TTN: variants seen among roughly 807,000 people sequenced by gnomAD.
TTN encodes titin.
TTN carries 1,525 observed loss-of-function variants against 3,223.0 expected under a neutral mutation model. The observed-to-expected ratio is 0.47, with a 90% CI of 0.45 to 0.49. The LOEUF is 0.49. Ranked by LOEUF, TTN falls within the 20% of genes least tolerant of loss-of-function variation. The pLI is 0.00. For synonymous variants in TTN, 14,094 were observed against 15,161.0 expected (o/e 0.93, Z 5.17); for missense variants, 40,786 against 43,424.0 (o/e 0.94, Z 5.40).
intron 2 of TTN, among the ~76,000 whole-genome samples, chr2:178,803,540 C>T (rs2094167541): frequency 6.7e-6 from 1 of 150,188 alleles, no homozygotes; most frequent in Non-Finnish European, 1.5e-5. Context: ...GATATTTGTA[C>T]AATGTAAAAG....
rs1185670227 is a variant in TTN at position 178,799,858 on chromosome 2, C to G, written c.636G>C (p.Gln212His). ...TTCGGGTTTGTCTTGATTCTGAGAT[C>G]TGAGCAGTCGAAACAATTGTCTTTG... is the stretch of plus-strand genomic sequence containing the variant. ...KKTKTIVSTA[Q>H]ISESRQTRIE... Residue 212 changes from glutamine (Q) to histidine (H), a missense_variant, in exon 5 of 363, where the codon CAG (glutamine) becomes CAC (histidine). Coordinates refer to ENST00000589042, the MANE Select transcript of TTN (RefSeq NM_001267550.2). The G allele has an allele frequency of 6.2e-7, 1 of 1,614,140 alleles. No individual in the cohort carries two copies. Among genetic ancestry groups the G allele is most frequent in the Non-Finnish European group, 8.5e-7 (1 of 1,180,018 alleles).
chr2:178,646,105 TA>T lies in TTN; in HGVS notation c.40298-76del, dbSNP rs1480601427. ...GATATGTAGTATATTTAATAGAAATTATATATATATATATATATATATATAT... is the reference window on the plus strand; with the variant it reads ...GATATGTAGTATATTTAATAGAAATTTATATATATATATATATATATATAT... On this transcript the variant is annotated intron_variant, in intron 216 of 362. Coordinates refer to ENST00000589042, the MANE Select transcript of TTN (RefSeq NM_001267550.2). 1,508 of 17,876 alleles carry T rather than the reference TA, an allele frequency of 0.084. 91 individuals carry two copies. The highest frequency in any genetic ancestry group is 0.34 in the African/African-American group (1,247 of 3,674). The allele number at this position is 17,876 out of a possible 1,614,324, so 1.1% of individuals were successfully genotyped here.
In TTN at chr2:178,636,053, T is replaced by A. The variant is rs763460143; in HGVS notation, c.41518A>T (p.Asn13840Tyr). 6.2e-7 allele frequency: 1 copy of A among 1,613,310 alleles called. No individual in the cohort carries two copies. Among genetic ancestry groups the A allele is most frequent in the South Asian group, 1.1e-5 (1 of 91,050 alleles). ...CCAGCATCTGTGTCATCTGCATCGT[T>A]GATGGTCAGAGCCCGCATCAAGCCA... is the stretch of plus-strand genomic sequence containing the variant. ...VIGLMRALTI[N>Y]DADDTDAGTY... is the part of the protein sequence containing the mutation. Residue 13840 changes from asparagine (N) to tyrosine (Y), a missense_variant, in exon 226 of 363, where the codon AAC becomes TAC. Coordinates refer to ENST00000589042, the MANE Select transcript of TTN (RefSeq NM_001267550.2). This position sits in a 1 kb window ranked among gnomAD's most constrained non-coding sequence, Gnocchi z 4.3.
At chr2:178,651,419 C>G in intron 207 of TTN, 34 bp downstream of exon 207, 1 of 1,599,666 alleles carries the variant, frequency 6.3e-7, no homozygotes, top group Non-Finnish European at 8.5e-7. Flanking sequence ...GGGGCTCCAT[C>G]CGCCCCCATC....
At chr2:178,721,268 G>T in intron 78 of TTN, 66 bp from the exon 79 acceptor site, 6 of 1,287,770 alleles carry the variant, frequency 4.7e-6, no homozygotes, top group Non-Finnish European at 6.0e-6. Context: ...GCTTGTTTTT[G>T]TAGCTGAAGA....
rs144576333 is a variant in TTN, at chr2:178,593,343, G to T, written c.58865C>A (p.Ser19622Tyr). ...TTTGGTAACTCTAGCCCATCGTTTAGACATAGTTTCTCTCTTTTCCAGGAT... is the reference window on the plus strand; with the variant it reads ...TTTGGTAACTCTAGCCCATCGTTTATACATAGTTTCTCTCTTTTCCAGGAT... Reference protein sequence around the residue: ...NYILEKRETMSKRWARVTKDP... With the variant: ...NYILEKRETMYKRWARVTKDP... The change falls in exon 299 of 363, where the codon TCT becomes TAT. Residue 19622 changes from serine to tyrosine, a missense_variant. Coordinates refer to ENST00000589042, the MANE Select transcript of TTN (RefSeq NM_001267550.2). 6.2e-7 allele frequency: 1 copy of T among 1,613,320 alleles called. No homozygotes were observed. The highest frequency in any genetic ancestry group is 1.3e-5 in the African/African-American group (1 of 75,000).
rs794729583 is a variant in TTN, at chr2:178,769,871, C to T, written c.8710G>A (p.Glu2904Lys). 5.6e-6 allele frequency: 9 copies of T among 1,614,094 alleles called. No homozygotes were observed. Among genetic ancestry groups the T allele is most frequent in the East Asian group, 2.2e-5 (1 of 44,870 alleles). ...GAAGGGACATTGAAGTGGGACACCTCACACTCAAAAGAGGCAGTTTTGGTC... is the reference window on the plus strand; with the variant it reads ...GAAGGGACATTGAAGTGGGACACCTTACACTCAAAAGAGGCAGTTTTGGTC... ...PETKTASFECEVSHFNVPSMW... is the reference protein window; with the variant it reads ...PETKTASFECKVSHFNVPSMW... Residue 2904 changes from glutamate (E) to lysine (K), a missense_variant, in exon 37 of 363, where the codon GAG (glutamate) becomes AAG (lysine). Transcript: ENST00000589042.
chr2:178,627,156 T>TTTATCAAATTTAAAATTTAACTTTAAAA (rs2059171916), intron 240 of TTN, among the ~76,000 whole-genome samples: 1 of 151,970 alleles, frequency 6.6e-6, no homozygotes, highest in African/African-American at 2.4e-5. Flanking sequence ...AAACTTTAAT[T>TTTATCAAATTTAAAATTTAACTTTAAAA]TTATCAAATT....
rs1060500461 is a variant in TTN at position 178,715,093 on chromosome 2, G to C, written c.26093C>G (p.Thr8698Ser). Residue 8698 changes from threonine (T) to serine (S), a missense_variant, in exon 90 of 363, where the codon ACC (threonine) becomes AGC (serine). Thr to Ser is a moderately conservative substitution (Grantham distance 58). Coordinates refer to ENST00000589042, the MANE Select transcript of TTN (RefSeq NM_001267550.2). ...ATCGACATTCAGGATGTGGATACTG[G>C]TTAGGAAGTTCTCAGACATTATCTT... ...KYKIMSENFL[T>S]SIHILNVDAA... 14 of 1,613,704 alleles carry C rather than the reference G, an allele frequency of 8.7e-6. No individual in the cohort carries two copies. The highest frequency in any genetic ancestry group is 1.2e-5 in the Non-Finnish European group (14 of 1,179,690).
At position 178,740,264 on chromosome 2, in the gene TTN, C is replaced by G; in HGVS notation, c.12969G>C (p.Glu4323Asp). ...NAGQDSAVRI[E>D]EGKSLRFPLA... ...GTGGAAATCTTAAGGACTTGCCTTC[C>G]TCAATTCTGACCGCAGAATCTTGCC... Residue 4323 changes from glutamate to aspartate, a missense_variant, in exon 48 of 363, where the codon GAG (glutamate) becomes GAC (aspartate). Coordinates refer to ENST00000589042, the MANE Select transcript of TTN (RefSeq NM_001267550.2). 6.2e-7 allele frequency: 1 copy of G among 1,613,678 alleles called. No homozygotes were observed. Among genetic ancestry groups the G allele is most frequent in the Non-Finnish European group, 8.5e-7 (1 of 1,179,802 alleles).
chr2:178,780,232 T>G (rs1392446227), intron 21 of TTN, 27 bp from the exon 22 acceptor site: 2 of 1,569,626 alleles, frequency 1.3e-6, no homozygotes, highest in African/African-American at 2.7e-5. Context: ...TCAGTTAATT[T>G]TTAATGCTCT....
At chr2:178,770,800 C>T (rs756506723) in intron 34 of TTN, 125 bp from the exon 35 acceptor site, 62 of 1,223,202 alleles carry the variant, frequency 5.1e-5, no homozygotes, top group Non-Finnish European at 9.6e-6. Context: ...TACAGTTATG[C>T]AGCACCTCTG....
chr2:178,592,385 C>T lies in TTN; in HGVS notation c.59620G>A (p.Val19874Ile). 1 of 1,611,986 alleles carries T rather than the reference C, an allele frequency of 6.2e-7. No individual in the cohort carries two copies. ...TAAGTAGTAAAATTCTTACCTAATA[C>T]AAGTACTTTTACTGAGACAGTTTTT... Reference protein sequence around the residue: ...GSKTVSVKVLVLDKPGPPRDL... With the variant: ...GSKTVSVKVLILDKPGPPRDL... The change falls in exon 301 of 363, where the codon GTA (valine) becomes ATA (isoleucine). Residue 19874 changes from valine to isoleucine, a missense_variant. Val to Ile is a conservative substitution (Grantham distance 29). Transcript: ENST00000589042.
intron 206 of TTN, 57 bp from the exon 207 acceptor site, chr2:178,651,593 A>G: frequency 1.2e-6 from 2 of 1,611,200 alleles, no homozygotes; most frequent in Non-Finnish European, 8.5e-7. Flanking sequence ...TGTGAAAATC[A>G]TGAAGCAGAA....
rs762981807 is a variant in TTN, at chr2:178,652,785, GA to G, written c.38960-50del. ...CATTTAGGGGTTATGAAGACCACTAGAAAAAATATTTTCAAGAATAGAGGAG... is the reference window on the plus strand; with the variant it reads ...CATTTAGGGGTTATGAAGACCACTAGAAAAATATTTTCAAGAATAGAGGAG... On this transcript the variant is annotated intron_variant, in intron 200 of 362. Transcript: ENST00000589042. The G allele has an allele frequency of 1.9e-6, 3 of 1,605,660 alleles. No individual in the cohort carries two copies. The South Asian group carries it at 3.3e-5, about 18-fold the overall frequency.
chr2:178,683,812 T>A lies in TTN; in HGVS notation c.32806+187A>T, dbSNP rs572738781. 1.8e-3 allele frequency among the ~76,000 whole-genome samples: 276 copies of A among 151,986 alleles called. 5 individuals carry two copies. The South Asian group carries it at 0.024, about 13-fold the overall frequency. ...ACATACGTTTAGAAGAAGCCTCACT[T>A]TTTTTTAAGAAAAAAGTACTTTCTG... On this transcript the variant is annotated intron_variant, in intron 133 of 362. Transcript: ENST00000589042.
At position 178,743,268 on chromosome 2, in the gene TTN, T is replaced by C. The variant is rs554360514; in HGVS notation, c.11312-1347A>G. Reference sequence around the variant, plus strand: ...GAAAGGCATAGTTTAAAAAATTACATGTTGTGGTAGCAGCTATTAATTGTC... The same window carrying C: ...GAAAGGCATAGTTTAAAAAATTACACGTTGTGGTAGCAGCTATTAATTGTC... On this transcript the variant is annotated intron_variant, in intron 47 of 362. Coordinates refer to ENST00000589042, the MANE Select transcript of TTN (RefSeq NM_001267550.2). Among the ~76,000 whole-genome samples, 156 of 152,164 alleles carry C rather than the reference T, an allele frequency of 1.0e-3. 1 individual carries two copies. Among genetic ancestry groups the C allele is most frequent in the African/African-American group, 3.6e-3 (151 of 41,568 alleles).
At chr2:178,672,952 G>A (rs1163365369) in intron 152 of TTN, among the ~76,000 whole-genome samples, 5 of 151,528 alleles carry the variant, frequency 3.3e-5, no homozygotes, top group Admixed American at 1.3e-4. Context: ...TAATAACAGG[G>A]ATTACCAATA....
rs1553681465 is a variant in TTN at position 178,604,799 on chromosome 2, A to G, written c.54290T>C (p.Ile18097Thr). The G allele has an allele frequency of 1.9e-6, 3 of 1,612,298 alleles. No homozygotes were observed. Among genetic ancestry groups the G allele is most frequent in the Non-Finnish European group, 1.7e-6 (2 of 1,179,026 alleles). ...DAPLDNGGSE[I>T]THYVIDKRDA... is the part of the protein sequence containing the mutation. ...ACGTTTGTCAATAACATAATGGGTG[A>G]TTTCACTGCCACCATTATCAAGAGG... is the stretch of plus-strand genomic sequence containing the variant. Residue 18097 changes from isoleucine (I) to threonine (T), a missense_variant, in exon 281 of 363, where the codon ATC becomes ACC. Ile to Thr is a moderately conservative substitution (Grantham distance 89, BLOSUM62 -1). Transcript: ENST00000589042.
Sources: allele counts gnomAD v4.1 joint callset (sites outside exome capture counted in the v4.1 genomes callset), GRCh38; gene constraint gnomAD v4.1.1; non-coding constraint Gnocchi (gnomAD v3.1); transcripts MANE v1.5; gene names NCBI Gene and HGNC (gene_info 2026-07-23, HGNC 2026-07-21).